Variants in TMPRSS9 observed in about 807,000 individuals in gnomAD.
The protein encoded by TMPRSS9 is transmembrane serine protease 9.
Under a neutral mutation model 111.4 loss-of-function variants are expected in TMPRSS9, and 113 were observed. The observed-to-expected ratio is 1.01, with a 90% CI of 0.87 to 1.19. TMPRSS9 has a LOEUF of 1.19. Among genes scored for constraint, TMPRSS9 ranks in the 50% most tolerant of loss-of-function variants. TMPRSS9 has a pLI of 0.00. For missense variants in TMPRSS9, 1,803 were observed against 1,513.1 expected (o/e 1.19, Z -3.18); for synonymous variants, 805 against 659.1 (o/e 1.22, Z -3.39).
intron 2 of TMPRSS9, 130 bp from the exon 4 acceptor site, chr19:2,398,662 AAAT>A: frequency 2.3e-6 from 1 of 434,246 alleles, no homozygotes; most frequent in Non-Finnish European, 4.0e-6. Flanking sequence ...TAAAAATTTA[AAAT>A]AATAAAAGGA....
At chr19:2,412,219 C>T (rs1270235879) in intron 9 of TMPRSS9, among the ~76,000 whole-genome samples, 3 of 142,928 alleles carry the variant, frequency 2.1e-5, no homozygotes, top group Non-Finnish European at 3.0e-5. Context: ...CATAGCAAAA[C>T]TTTTGTCTCT....
intron 9 of TMPRSS9, among the ~76,000 whole-genome samples, chr19:2,411,400 C>CTT (rs571815184): frequency 4.0e-5 from 4 of 100,676 alleles, no homozygotes; most frequent in East Asian, 3.4e-4. Flanking sequence ...TCTTCTTCTT[C>CTT]TTTTTTTTTT....
chr19:2,421,917 G>A (rs769180283), exon 14 of TMPRSS9: 20 of 1,612,938 alleles, frequency 1.2e-5, no homozygotes, highest in Admixed American at 6.7e-5. Context: ...GGCAGGGATC[G>A]TGAGCTGGGG....
At chr19:2,366,387 C>G (rs1425057567) in intron 1 of TMPRSS9, among the ~76,000 whole-genome samples, 2 of 152,086 alleles carry the variant, frequency 1.3e-5, no homozygotes, top group Non-Finnish European at 2.9e-5. Context: ...GACAGAAGAG[C>G]CCTGGGACCT....
chr19:2,400,333 G>GGAGTTC (rs1342595012), intron 4 of TMPRSS9, among the ~76,000 whole-genome samples: 1 of 152,130 alleles, frequency 6.6e-6, no homozygotes, highest in Non-Finnish European at 1.5e-5. Context: ...CTTCAGATCA[G>GGAGTTC]GAGTTCGAGA....
chr19:2,418,351 C>T (rs368847509), intron 13 of TMPRSS9, among the ~76,000 whole-genome samples: 427 of 24,756 alleles, frequency 0.017, 63 homozygotes, highest in East Asian at 0.16. Flanking sequence ...CTCCCTTTCC[C>T]TCCCTCCCTC....
At chr19:2,387,590 A>C (rs1342803366), upstream of TMPRSS9, among the ~76,000 whole-genome samples, 1 of 151,456 alleles carries the variant, frequency 6.6e-6, no homozygotes, top group Non-Finnish European at 1.5e-5. Context: ...GGAAGGGAGA[A>C]AGGAAAATGA....
rs1971025242 is a variant in TMPRSS9, at chr19:2,408,710, C to A, written c.1117+80C>A. ...CGCAGAAAAGGGCCAGGTGAGGTGG[C>A]TCACGCCTGTCATCCCAGCACTTTG... On this transcript the variant is annotated intron_variant, in intron 8 of 17. Coordinates refer to ENST00000648592, the Ensembl canonical transcript of TMPRSS9. The A allele has an allele frequency of 2.6e-6, 4 of 1,528,642 alleles. No homozygotes were observed. In the African/African-American group the frequency reaches 4.1e-5, roughly 16 times the overall value. 94.7% of individuals were successfully genotyped at this position (1,528,642 alleles called of 1,614,324 possible).
Position 2,405,414 on chromosome 19 carries a change from C to T in TMPRSS9, c.711C>T (p.Ile237=), listed in dbSNP as rs747675495. 1.6e-5 allele frequency: 25 copies of T among 1,606,454 alleles called. No homozygotes were observed. The East Asian group carries it at 3.2e-4, about 21-fold the overall frequency. Residue 237 remains isoleucine, a synonymous_variant, in exon 7 of 18, where the codon ATC becomes ATT. Coordinates refer to ENST00000648592, the Ensembl canonical transcript of TMPRSS9. ...CTGCCTGGAGGATGGCCGGCAGGAT[C>T]GTGGGCGGCATGGAAGCATCCCCGG...
intron 1 of TMPRSS9, among the ~76,000 whole-genome samples, chr19:2,390,490 G>A (rs796692269): frequency 1.3e-5 from 2 of 149,192 alleles, no homozygotes; most frequent in Non-Finnish European, 3.0e-5. Context: ...TGATCCGCCC[G>A]CCTCAGCCTC....
chr19:2,415,646 C>A (rs765419849), intron 10 of TMPRSS9, 24 bp from the exon 12 acceptor site: 31 of 1,551,640 alleles, frequency 2.0e-5, no homozygotes, highest in Admixed American at 3.7e-5. Context: ...GATCCCCAGA[C>A]CTGGTCTTGT....
chr19:2,375,342 G>C (rs1294166500), intron 1 of TMPRSS9, among the ~76,000 whole-genome samples: 1 of 152,178 alleles, frequency 6.6e-6, no homozygotes, highest in Non-Finnish European at 1.5e-5. Context: ...CAACCTCTTG[G>C]GTCCATCACT....
intron 1 of TMPRSS9, among the ~76,000 whole-genome samples, chr19:2,368,784 T>TTG (rs1226009692): frequency 7.3e-5 from 8 of 109,824 alleles, no homozygotes; most frequent in African/African-American, 3.7e-4. Flanking sequence ...GTTTTTTTTT[T>TTG]TTTTTTTTTT....
In TMPRSS9 at chr19:2,424,083, C is replaced by T; in HGVS notation, c.2549-6C>T. ...CCGCCTGCCCACGCGCCTGGCTCCC[C>T]CGCAGACTGTGGCCTGGCGCCGGCC... On this transcript the variant is annotated splice_polypyrimidine_tract_variant and splice_region_variant and intron_variant, in intron 14 of 17. Coordinates refer to ENST00000648592, the Ensembl canonical transcript of TMPRSS9. The T allele has an allele frequency of 7.8e-7, 1 of 1,285,596 alleles. No individual in the cohort carries two copies. The highest frequency in any genetic ancestry group is 4.1e-5 in the Admixed American group (1 of 24,550). The allele number at this position is 1,285,596 out of a possible 1,614,324, so 79.6% of individuals were successfully genotyped here. A position where few individuals can be genotyped will look rare whatever the true frequency, so the allele number is the denominator to read the frequency against.
At position 2,415,991 on chromosome 19, in the gene TMPRSS9, C is replaced by T. The variant is rs1049044455; in HGVS notation, c.1745+150C>T. ...GGGCAGCTGAGAGACAGGAGGGAGC[C>T]GGTGCCAAGGCTTCTAAGGACAAAC... On this transcript the variant is annotated intron_variant, in intron 11 of 17. Coordinates refer to ENST00000648592, the Ensembl canonical transcript of TMPRSS9. 55 of 985,526 alleles carry T rather than the reference C, an allele frequency of 5.6e-5. 1 individual carries two copies. In the Admixed American group the frequency reaches 7.9e-4, roughly 14 times the overall value. 61.0% of individuals were successfully genotyped at this position (985,526 alleles called of 1,614,324 possible).
At chr19:2,423,734 G>A (rs1971522760) in intron 14 of TMPRSS9, among the ~76,000 whole-genome samples, 1 of 152,136 alleles carries the variant, frequency 6.6e-6, no homozygotes, top group Non-Finnish European at 1.5e-5. Context: ...CCAAGGCAGG[G>A]CTGGGGCCTC....
chr19:2,375,099 A>G (rs1415624172), intron 1 of TMPRSS9, among the ~76,000 whole-genome samples: 6 of 152,076 alleles, frequency 3.9e-5, no homozygotes, highest in African/African-American at 1.4e-4. Context: ...CCTCCACGGC[A>G]CTGACCTCAT....
At chr19:2,379,619 T>TTCTTTCTTTCTA (rs1568170719) in intron 1 of TMPRSS9, among the ~76,000 whole-genome samples, 6 of 106,680 alleles carry the variant, frequency 5.6e-5, no homozygotes, top group African/African-American at 2.3e-4. Flanking sequence ...TTCTTTCTCT[T>TTCTTTCTTTCTA]TCTTTCTTTC....
At chr19:2,422,601 T>C (rs1971492730) in intron 14 of TMPRSS9, among the ~76,000 whole-genome samples, 3 of 150,420 alleles carry the variant, frequency 2.0e-5, no homozygotes, top group Admixed American at 2.0e-4. Flanking sequence ...TAACGGCCTC[T>C]CTGGCTGGGC....
Sources: gnomAD v4.1 joint callset for allele counts (sites outside exome capture counted in the v4.1 genomes callset) on GRCh38, gnomAD v4.1.1 for gene constraint, MANE v1.5 for transcripts, NCBI Gene and HGNC (gene_info 2026-07-23, HGNC 2026-07-21) for gene names.